The following PDS5A variants were observed in gnomAD, a reference collection of about 807,000 sequenced individuals.
The protein encoded by PDS5A is PDS5 cohesin associated factor A, also known as sister chromatid cohesion protein PDS5 homolog A.
In PDS5A, 42 loss-of-function variants were observed where a neutral mutation model predicts 167.1. The ratio of observed to expected loss-of-function variants is 0.25; its 90% CI spans 0.20 to 0.33. PDS5A has a LOEUF of 0.33. Among genes scored for constraint, PDS5A ranks in the 10% least tolerant of loss-of-function variants. The pLI is 1.00. For synonymous variants in PDS5A, 553 were observed against 554.6 expected (o/e 1.00, Z 0.04); for missense variants, 1,033 against 1,605.9 (o/e 0.64, Z 6.10).
At chr4:39,973,633 G>GA (rs1346221383) in intron 2 of PDS5A, 54 of 1,316,020 alleles carry the variant, frequency 4.1e-5, no homozygotes, top group Non-Finnish European at 5.5e-5. Flanking sequence ...AGCAGTTACA[G>GA]AAATGAACGG....
At chr4:39,869,296 T>A in intron 22 of PDS5A, 98 bp downstream of exon 22, 1 of 790,416 alleles carries the variant, frequency 1.3e-6, no homozygotes, top group Non-Finnish European at 2.2e-6. Context: ...CACAGCAAGA[T>A]CCCATCTCTG....
intron 2 of PDS5A, among the ~76,000 whole-genome samples, chr4:39,928,938 A>G (rs2109737913): frequency 6.6e-6 from 1 of 152,322 alleles, no homozygotes; most frequent in Admixed American, 6.5e-5. Context: ...ACACTTTGGA[A>G]TCATTATAAA....
At chr4:39,904,241 T>G in intron 11 of PDS5A, 50 bp from the exon 12 acceptor site, 1 of 1,379,942 alleles carries the variant, frequency 7.2e-7, no homozygotes, top group Non-Finnish European at 1.0e-6. Flanking sequence ...AACTCTGTAC[T>G]AATCTCCAAA....
chr4:39,891,070 G>C (rs1721918240), intron 16 of PDS5A, among the ~76,000 whole-genome samples: 1 of 150,612 alleles, frequency 6.6e-6, no homozygotes, highest in African/African-American at 2.4e-5. Flanking sequence ...CGCTCTGTCA[G>C]TCACTCAGGC....
intron 17 of PDS5A, among the ~76,000 whole-genome samples, chr4:39,887,022 T>G (rs965199856): frequency 2.0e-5 from 3 of 152,156 alleles, no homozygotes; most frequent in African/African-American, 4.8e-5. Flanking sequence ...AGTTTTTCGG[T>G]GGAGTCTTTA....
Position 39,859,292 on chromosome 4 carries a change from C to A in PDS5A, c.3086+2927G>T, listed in dbSNP as rs561659613. Among the ~76,000 whole-genome samples the A allele has an allele frequency of 7.3e-5, 11 of 151,622 alleles. No individual in the cohort carries two copies. The South Asian group carries it at 1.7e-3, about 23-fold the overall frequency. On this transcript the variant is annotated intron_variant, in intron 26 of 32. Transcript: ENST00000303538. The stretch of plus-strand genomic sequence containing the variant: ...TGAAAAACTTAAAAAAACAAACAAA[C>A]AAAAAAAACCAGACTGGGTTTCCTG...
rs60739397 is a variant in PDS5A, at chr4:39,925,693, T to C, written c.527+143A>G. On this transcript the variant is annotated intron_variant, in intron 5 of 32. Coordinates refer to ENST00000303538, the MANE Select transcript of PDS5A (RefSeq NM_001100399.2). ...AGGCAGTGTTCGGACAACAGAATTT[T>C]TACTTTCCCCTTTATGTTAAGTTTT... 3.5e-3 allele frequency: 1,280 copies of C among 363,554 alleles called. 24 individuals are homozygous for C. In the East Asian group the frequency reaches 0.044, roughly 13 times the overall value. 22.5% of individuals were successfully genotyped at this position (363,554 alleles called of 1,614,324 possible).
In PDS5A at chr4:39,966,246, A is replaced by G. The variant is rs188331103; in HGVS notation, c.138+10194T>C. Among the ~76,000 whole-genome samples, 29 of 152,364 alleles carry G rather than the reference A, an allele frequency of 1.9e-4. No homozygotes were observed. The East Asian group carries it at 5.4e-3, about 28-fold the overall frequency. On this transcript the variant is annotated intron_variant, in intron 2 of 32. Coordinates refer to ENST00000303538, the MANE Select transcript of PDS5A (RefSeq NM_001100399.2). ...TACATGCAAAATTATCACACTGTGT[A>G]GCAATGAGGGATAAATAAAAATCAT...
intron 2 of PDS5A, among the ~76,000 whole-genome samples, chr4:39,943,160 A>G (rs974791741): frequency 1.5e-5 from 2 of 131,014 alleles, no homozygotes; most frequent in Admixed American, 8.0e-5. Context: ...ACACACACAC[A>G]CACACACACG....
intron 8 of PDS5A, among the ~76,000 whole-genome samples, chr4:39,916,389 T>C (rs1724388495): frequency 6.6e-6 from 1 of 151,926 alleles, no homozygotes. Context: ...GAAAAGGTCA[T>C]AAAATTGTAA....
intron 26 of PDS5A, among the ~76,000 whole-genome samples, chr4:39,857,148 C>G (rs755128462): frequency 2.6e-5 from 4 of 151,926 alleles, no homozygotes; most frequent in Non-Finnish European, 5.9e-5. Context: ...GTCAGGAGAT[C>G]GAGACCATCC....
intron 2 of PDS5A, among the ~76,000 whole-genome samples, chr4:39,963,934 C>T (rs1377733055): frequency 6.6e-6 from 1 of 152,048 alleles, no homozygotes; most frequent in Non-Finnish European, 1.5e-5. Context: ...CCCAGACCGA[C>T]TCTCGCTCTG....
At chr4:39,936,544 C>T (rs915530926) in intron 2 of PDS5A, among the ~76,000 whole-genome samples, 2 of 152,168 alleles carry the variant, frequency 1.3e-5, no homozygotes, top group African/African-American at 4.8e-5. Flanking sequence ...AAGTGATTCT[C>T]ATGCCTCAGC....
intron 17 of PDS5A, among the ~76,000 whole-genome samples, chr4:39,880,205 T>C (rs1720815554): frequency 6.6e-6 from 1 of 152,038 alleles, no homozygotes; most frequent in Admixed American, 6.6e-5. Context: ...CTCAAAAAAA[T>C]ACAAATAATA....
intron 2 of PDS5A, among the ~76,000 whole-genome samples, chr4:39,975,262 AG>A (rs1281006464): frequency 2.0e-5 from 3 of 152,160 alleles, no homozygotes; most frequent in Non-Finnish European, 2.9e-5. Context: ...TTTTAATGAA[AG>A]GAACTGTTGT....
At chr4:39,930,262 G>GTTTT (rs1194110821) in intron 2 of PDS5A, among the ~76,000 whole-genome samples, 10 of 74,970 alleles carry the variant, frequency 1.3e-4, no homozygotes, top group Non-Finnish European at 2.8e-4. Context: ...TTTGTTTTTT[G>GTTTT]TTTTTTTTTT....
intron 3 of PDS5A, 65 bp downstream of exon 3, chr4:39,927,891 AAAAAT>A: frequency 9.2e-7 from 1 of 1,082,910 alleles, no homozygotes; most frequent in Non-Finnish European, 1.4e-6. Flanking sequence ...GGTAAAATAT[AAAAAT>A]AAAAGTATAC....
rs1165599652 is a variant in PDS5A, at chr4:39,944,433, C to T, written c.139-16269G>A. Among the ~76,000 whole-genome samples the T allele has an allele frequency of 2.6e-5, 4 of 152,124 alleles. No individual in the cohort carries two copies. The South Asian group carries it at 6.2e-4, about 24-fold the overall frequency. On this transcript the variant is annotated intron_variant, in intron 2 of 32. Transcript: ENST00000303538. Reference sequence around the variant, plus strand: ...GTGTGGCGGGGCACAGTGGCTCACACCTGTAATCCCAGCACTCCGGGAGGC... The same window carrying T: ...GTGTGGCGGGGCACAGTGGCTCACATCTGTAATCCCAGCACTCCGGGAGGC...
At chr4:39,959,732 A>C (rs1364459492) in intron 2 of PDS5A, among the ~76,000 whole-genome samples, 1 of 152,044 alleles carries the variant, frequency 6.6e-6, no homozygotes, top group African/African-American at 2.4e-5. Flanking sequence ...AGGCAGGTGG[A>C]TCTCCTGAGG....
Sources: gnomAD v4.1 joint callset for allele counts (sites outside exome capture counted in the v4.1 genomes callset) on GRCh38, gnomAD v4.1.1 for gene constraint, MANE v1.5 for transcripts, NCBI Gene and HGNC (gene_info 2026-07-23, HGNC 2026-07-21) for gene names.